Variants in TES observed in about 807,000 individuals in gnomAD.
The protein encoded by TES is testin.
In TES, 41 loss-of-function variants were observed where a neutral mutation model predicts 48.2. The observed-to-expected ratio is 0.85, with a 90% CI of 0.66 to 1.10. The LOEUF is 1.10. Among genes scored for constraint, TES ranks in the 50% least tolerant of loss-of-function variants. TES has a pLI of 0.00. For missense variants in TES, 463 were observed against 515.1 expected, an observed-to-expected ratio of 0.90 and a Z score of 0.98; for synonymous variants, 162 against 174.9, an observed-to-expected ratio of 0.93 and a Z score of 0.58.
In TES at chr7:116,251,325, T is replaced by G. The variant is rs560258925; in HGVS notation, c.703-435T>G. ...TTATCTACATCGACAAATTTGTAAT[T>G]TCAGTAGAAATTATGTCTCTTCAAA... is the stretch of plus-strand genomic sequence containing the variant. On this transcript the variant is annotated intron_variant, in intron 4 of 6. Transcript: ENST00000358204. 3.9e-5 allele frequency among the ~76,000 whole-genome samples: 6 copies of G among 152,326 alleles called. No individual in the cohort carries two copies. In the East Asian group the frequency reaches 7.7e-4, roughly 20 times the overall value.
chr7:116,222,559 A>AC (rs1799569249), intron 1 of TES, among the ~76,000 whole-genome samples: 1 of 152,180 alleles, frequency 6.6e-6, no homozygotes, highest in South Asian at 2.1e-4. Context: ...ATGATGGGTT[A>AC]CCCCTGAAGA....
chr7:116,221,065 T>G (rs1474765735), intron 1 of TES, among the ~76,000 whole-genome samples: 1 of 152,174 alleles, frequency 6.6e-6, no homozygotes, highest in African/African-American at 2.4e-5. Flanking sequence ...GGTACTTTGT[T>G]GGACACAAAT....
At chr7:116,240,362 T>G (rs901204165) in intron 2 of TES, among the ~76,000 whole-genome samples, 1 of 152,192 alleles carries the variant, frequency 6.6e-6, no homozygotes. Flanking sequence ...TTTCTTGATT[T>G]TTTTCAGCTT....
chr7:116,222,621 T>G (rs1799570070), intron 1 of TES, among the ~76,000 whole-genome samples: 1 of 152,182 alleles, frequency 6.6e-6, no homozygotes, highest in South Asian at 2.1e-4. Context: ...TATTCAAGTT[T>G]GGGGATAAAG....
chr7:116,234,227 T>C (rs1799736470), intron 1 of TES, among the ~76,000 whole-genome samples: 1 of 152,296 alleles, frequency 6.6e-6, no homozygotes, highest in African/African-American at 2.4e-5. Context: ...GGGGCTGTAC[T>C]ATGGGGCAAG....
rs370953765 is a variant in TES, at chr7:116,237,577, C to T, written c.113+2958C>T. Reference sequence around the variant, plus strand: ...GGTGTTCTCTGCCTGGAAAACCCTACCTCCCACCACTAGGAAACAAAAAGT... The same window carrying T: ...GGTGTTCTCTGCCTGGAAAACCCTATCTCCCACCACTAGGAAACAAAAAGT... On this transcript the variant is annotated intron_variant, in intron 2 of 6. Coordinates refer to ENST00000358204, the MANE Select transcript of TES (RefSeq NM_015641.4). Among the ~76,000 whole-genome samples the T allele has an allele frequency of 3.9e-5, 6 of 152,246 alleles. No homozygotes were observed. In the East Asian group the frequency reaches 7.7e-4, roughly 20 times the overall value.
intron 1 of TES, among the ~76,000 whole-genome samples, chr7:116,226,072 A>C (rs779342650): frequency 9.2e-5 from 14 of 152,208 alleles, no homozygotes; most frequent in South Asian, 2.1e-4. Flanking sequence ...TGCTGCTTTT[A>C]TTATCACCAC....
intron 1 of TES, 21 bp downstream of exon 1, chr7:116,210,755 G>C: frequency 8.1e-7 from 1 of 1,239,378 alleles, no homozygotes; most frequent in Non-Finnish European, 1.0e-6. Flanking sequence ...GCTCGTGGCG[G>C]GCGGCGGCTG....
intron 1 of TES, among the ~76,000 whole-genome samples, chr7:116,213,361 T>C (rs560742823): frequency 6.6e-6 from 1 of 152,360 alleles, no homozygotes; most frequent in Non-Finnish European, 1.5e-5. Context: ...CTAATATGAC[T>C]TCTGTTTTAA....
chr7:116,219,963 C>G (rs1799538066), intron 1 of TES, among the ~76,000 whole-genome samples: 1 of 152,050 alleles, frequency 6.6e-6, no homozygotes, highest in Admixed American at 6.6e-5. Flanking sequence ...GGTCACTCTT[C>G]TGTTAGCTTT....
intron 3 of TES, 51 bp downstream of exon 3, chr7:116,249,323 A>T (rs780129864): frequency 1.2e-6 from 2 of 1,607,328 alleles, no homozygotes; most frequent in East Asian, 4.5e-5. Flanking sequence ...TGGAGTATTT[A>T]TTTGGGGCAG....
chr7:116,242,425 T>C (rs1466640172), intron 2 of TES, among the ~76,000 whole-genome samples: 2 of 152,188 alleles, frequency 1.3e-5, no homozygotes, highest in Admixed American at 6.5e-5. Flanking sequence ...AACTAGCATA[T>C]GCAAATTCTT....
intron 1 of TES, among the ~76,000 whole-genome samples, chr7:116,234,249 G>T (rs1266327422): frequency 6.6e-6 from 1 of 152,076 alleles, no homozygotes; most frequent in African/African-American, 2.4e-5. Context: ...AGTGGCCAAA[G>T]ACATAAATTC....
At chr7:116,237,134 T>G (rs529589076) in intron 2 of TES, among the ~76,000 whole-genome samples, 4 of 152,250 alleles carry the variant, frequency 2.6e-5, no homozygotes. Flanking sequence ...AGATTCCAGG[T>G]CTAGTCTAGG....
chr7:116,224,879 AC>A (rs1243429022), intron 1 of TES, among the ~76,000 whole-genome samples: 1 of 150,408 alleles, frequency 6.6e-6, no homozygotes, highest in East Asian at 2.0e-4. Flanking sequence ...GGAAAAAAAA[AC>A]AGTGACTTTG....
intron 1 of TES, chr7:116,222,842 T>C: frequency 3.1e-6 from 1 of 323,228 alleles, no homozygotes; most frequent in Non-Finnish European, 4.5e-6. Flanking sequence ...ATGAGCGCAT[T>C]CCATTACAGT....
chr7:116,253,230 A>T (rs1252221973), intron 6 of TES, among the ~76,000 whole-genome samples: 2 of 152,164 alleles, frequency 1.3e-5, no homozygotes, highest in African/African-American at 4.8e-5. Flanking sequence ...AAGGAATGAA[A>T]TTACATATGG....
chr7:116,249,488 T>C (rs774313146), intron 3 of TES: 43 of 552,318 alleles, frequency 7.8e-5, no homozygotes, highest in Non-Finnish European at 1.1e-4. Context: ...TTTACCTTTT[T>C]GAGGGAATGG....
In TES at chr7:116,238,724, C is replaced by T. The variant is rs1342550616; in HGVS notation, c.113+4105C>T. On this transcript the variant is annotated intron_variant, in intron 2 of 6. Coordinates refer to ENST00000358204, the MANE Select transcript of TES (RefSeq NM_015641.4). ...TCAAGTGATTCTCCTGCCTGCCTCC[C>T]GAGTATCTGGGATTACAGGCGCCCG... is the stretch of plus-strand genomic sequence containing the variant. 2.0e-5 allele frequency among the ~76,000 whole-genome samples: 3 copies of T among 152,052 alleles called. No individual in the cohort carries two copies. In the East Asian group the frequency reaches 5.8e-4, roughly 29 times the overall value.
Sources: gnomAD v4.1 joint callset for allele counts (sites outside exome capture counted in the v4.1 genomes callset) on GRCh38, gnomAD v4.1.1 for gene constraint, MANE v1.5 for transcripts, NCBI Gene and HGNC (gene_info 2026-07-23, HGNC 2026-07-21) for gene names.